NUBP1: variants seen among roughly 807,000 people sequenced by gnomAD.
NUBP1 encodes the protein NUBP iron-sulfur cluster assembly factor 1, cytosolic, also known as cytosolic Fe-S cluster assembly factor NUBP1.
NUBP1 carries 46 observed loss-of-function variants against 41.8 expected under a neutral mutation model. The observed-to-expected ratio is 1.10, with a 90% confidence interval of 0.87 to 1.41. The LOEUF is 1.41. Among genes scored for constraint, NUBP1 ranks in the 40% most tolerant of loss-of-function variants. The pLI, the probability that NUBP1 is intolerant of heterozygous loss-of-function variation, is 0.00. For synonymous variants in NUBP1, 189 were observed against 154.6 expected, an observed-to-expected ratio of 1.22 and a Z score of -1.65; for missense variants, 494 against 414.0, an observed-to-expected ratio of 1.19 and a Z score of -1.68.
At chr16:10,746,209 G>A (rs981312482) in intron 2 of NUBP1, among the ~76,000 whole-genome samples, 5 of 152,218 alleles carry the variant, frequency 3.3e-5, no homozygotes, top group African/African-American at 1.2e-4. Context: ...CCAGTCATGA[G>A]ACTTTTTAAT....
intron 9 of NUBP1, chr16:10,762,112 T>G: frequency 2.7e-6 from 1 of 365,924 alleles, no homozygotes; most frequent in African/African-American, 2.1e-5. Flanking sequence ...GGGTAGAGGT[T>G]GGTGAGGGTG....
chr16:10,747,175 G>A lies in NUBP1; in HGVS notation c.157G>A (p.Val53Ile), dbSNP rs1900101846. 2 of 1,614,178 alleles carry A rather than the reference G, an allele frequency of 1.2e-6. No homozygotes were observed. The highest frequency in any genetic ancestry group is 1.7e-6 in the Non-Finnish European group (2 of 1,180,032). The change falls in exon 3 of 11, where the codon GTA becomes ATA. Residue 53 changes from valine to isoleucine, a missense_variant. Physicochemically the swap from Val to Ile is conservative, Grantham distance 29 (BLOSUM62 3). Coordinates refer to ENST00000283027, the MANE Select transcript of NUBP1 (RefSeq NM_002484.4). ...IEEIKEKMKT[V>I]KHKILVLSGK... The stretch of plus-strand genomic sequence containing the variant: ...GGAAATCAAAGAGAAAATGAAGACT[G>A]TAAAACACAAAATCTTGGTATTGTC...
chr16:10,768,346 G>A lies in NUBP1; in HGVS notation c.904+314G>A, dbSNP rs2031209380. 2 of 188,880 alleles carry A rather than the reference G, an allele frequency of 1.1e-5. No individual in the cohort carries two copies. Among genetic ancestry groups the A allele is most frequent in the South Asian group, 2.2e-4 (2 of 9,186 alleles). 11.7% of individuals were successfully genotyped at this position (188,880 alleles called of 1,614,324 possible). On this transcript the variant is annotated intron_variant, in intron 10 of 10. Transcript: ENST00000283027. The surrounding 1 kb of genome is among the most constrained non-coding windows in gnomAD (Gnocchi z 4.3). ...GGCCAGGTGCAGTGGCTCACACCTG[G>A]AATCCCAGCACTTTGGGTGAAGGAG...
Position 10,744,128 on chromosome 16 carries a change from G to T in NUBP1, c.124+63G>T, listed in dbSNP as rs1237607485. On this transcript the variant is annotated intron_variant, in intron 2 of 10. Coordinates refer to ENST00000283027, the MANE Select transcript of NUBP1 (RefSeq NM_002484.4). ...CGCAGGCCCGGAAAAGGCGGGGCGT[G>T]GGAGGGAGGGGGCGGGATCTGCAGA... 2.3e-6 allele frequency: 3 copies of T among 1,312,478 alleles called. No homozygotes were observed. The African/African-American group carries it at 4.6e-5, about 20-fold the overall frequency. The allele number at this position is 1,312,478 out of a possible 1,614,324, so 81.3% of individuals were successfully genotyped here. A position where few individuals can be genotyped will look rare whatever the true frequency, so the allele number is the denominator to read the frequency against.
intron 5 of NUBP1, 48 bp downstream of exon 5, chr16:10,755,801 G>C (rs757588665): frequency 2.5e-6 from 4 of 1,581,976 alleles, no homozygotes; most frequent in Admixed American, 1.7e-5. Flanking sequence ...GTGTGGTTGT[G>C]TGTACATAAT....
intron 9 of NUBP1, 125 bp downstream of exon 9, chr16:10,761,984 G>A: frequency 1.4e-6 from 1 of 710,034 alleles, no homozygotes; most frequent in South Asian, 1.9e-5. Context: ...GGGCGCTGGA[G>A]CCAGACCCAC....
In NUBP1 at chr16:10,757,038, G is replaced by A. The variant is rs928455251; in HGVS notation, c.451+258G>A. On this transcript the variant is annotated intron_variant, in intron 6 of 10. Transcript: ENST00000283027. This position sits in a 1 kb window ranked among gnomAD's most constrained non-coding sequence, Gnocchi z 4.1. Reference sequence around the variant, plus strand: ...ACCCTGGTCGGGTGTGGTAGCTCACGCCTGTAATCCCAGCACTTTGGGAGG... The same window carrying A: ...ACCCTGGTCGGGTGTGGTAGCTCACACCTGTAATCCCAGCACTTTGGGAGG... 1.3e-5 allele frequency among the ~76,000 whole-genome samples: 2 copies of A among 152,108 alleles called. No homozygotes were observed. Among genetic ancestry groups the A allele is most frequent in the African/African-American group, 2.4e-5 (1 of 41,402 alleles).
intron 9 of NUBP1, chr16:10,762,090 C>T: frequency 2.2e-6 from 1 of 452,638 alleles, no homozygotes; most frequent in South Asian, 3.3e-5. Context: ...AGGGGTGAGG[C>T]CTGGAAGAAT....
rs527387681 is a variant in NUBP1 at position 10,754,565 on chromosome 16, G to A, written c.328-1156G>A. On this transcript the variant is annotated intron_variant, in intron 4 of 10. Transcript: ENST00000283027. ...GCTGGGTGTCTTTTAATAGAACTTC[G>A]AAGTCAGTCACAGAGGACCGCATGT... is the stretch of plus-strand genomic sequence containing the variant. 1.0e-3 allele frequency among the ~76,000 whole-genome samples: 152 copies of A among 152,102 alleles called. 1 individual carries two copies. Among genetic ancestry groups the A allele is most frequent in the African/African-American group, 3.5e-3 (147 of 41,480 alleles).
chr16:10,744,042 G>A lies in NUBP1; in HGVS notation c.101G>A (p.Gly34Glu), dbSNP rs778368355. The part of the protein sequence containing the change: ...GCPNQRLCAS[G>E]AGATPDTAIE... ...CCCAACCAGCGGCTGTGCGCTTCTGGAGCGGGGGCCACTCCGGACACGGGT... is the reference window on the plus strand; with the variant it reads ...CCCAACCAGCGGCTGTGCGCTTCTGAAGCGGGGGCCACTCCGGACACGGGT... Residue 34 changes from glycine to glutamate, a missense_variant, in exon 2 of 11, where the codon GGA (glycine) becomes GAA (glutamate). Transcript: ENST00000283027. The A allele has an allele frequency of 6.3e-7, 1 of 1,583,520 alleles. No individual in the cohort carries two copies. Among genetic ancestry groups the A allele is most frequent in the Non-Finnish European group, 8.5e-7 (1 of 1,170,118 alleles).
intron 3 of NUBP1, among the ~76,000 whole-genome samples, chr16:10,751,261 C>G (rs758068879): frequency 2.0e-5 from 3 of 152,170 alleles, no homozygotes; most frequent in Non-Finnish European, 2.9e-5. Context: ...CTGAGAGTAT[C>G]GAGGAAAGTC....
At chr16:10,758,350 G>A (rs763822479) in intron 7 of NUBP1, among the ~76,000 whole-genome samples, 2 of 152,106 alleles carry the variant, frequency 1.3e-5, no homozygotes, top group African/African-American at 4.8e-5. Flanking sequence ...GCTCGCGCCT[G>A]TAGTTCCAGC....
At chr16:10,744,821 G>C (rs1899989093) in intron 2 of NUBP1, among the ~76,000 whole-genome samples, 1 of 150,204 alleles carries the variant, frequency 6.7e-6, no homozygotes. Flanking sequence ...GCAGTGGTGT[G>C]ATCTCGGCTC....
chr16:10,743,873 G>A lies in NUBP1; in HGVS notation c.10G>A (p.Val4Met), dbSNP rs1183376612. The A allele has an allele frequency of 4.5e-6, 7 of 1,565,946 alleles. No homozygotes were observed. Among genetic ancestry groups the A allele is most frequent in the Middle Eastern group, 1.7e-4 (1 of 5,994 alleles). ...CGGCAAAGGCGACGGAATGGAGGAG[G>A]TGCCTCACGGTAAGCTCGCGGAGGG... MEE[V>M]PHDCPGADSA... The change falls in exon 1 of 11, where the codon GTG becomes ATG. Residue 4 changes from valine (V) to methionine (M), a missense_variant. Val to Met is a conservative substitution (Grantham distance 21). Transcript: ENST00000283027.
At chr16:10,755,596 C>A in intron 4 of NUBP1, 125 bp from the exon 5 acceptor site, 1 of 977,470 alleles carries the variant, frequency 1.0e-6, no homozygotes, top group Non-Finnish European at 1.6e-6. Flanking sequence ...TTTCGTGGTA[C>A]CATGTAAGAC....
rs1324637024 is a variant in NUBP1 at position 10,759,972 on chromosome 16, A to G, written c.607-1392A>G. Reference sequence around the variant, plus strand: ...GTGCTAAGGAGTCACTACACCTGACAGTGACAAGCCACAGCAGGACTTGGG... The same window carrying G: ...GTGCTAAGGAGTCACTACACCTGACGGTGACAAGCCACAGCAGGACTTGGG... On this transcript the variant is annotated intron_variant, in intron 7 of 10. Transcript: ENST00000283027. The surrounding 1 kb of genome is among the most constrained non-coding windows in gnomAD (Gnocchi z 4.7). Among the ~76,000 whole-genome samples the G allele has an allele frequency of 6.6e-6, 1 of 152,244 alleles. No homozygotes were observed. Among genetic ancestry groups the G allele is most frequent in the East Asian group, 1.9e-4 (1 of 5,198 alleles).
At chr16:10,756,369 C>A (rs1054180407) in intron 5 of NUBP1, among the ~76,000 whole-genome samples, 1 of 150,364 alleles carries the variant, frequency 6.7e-6, no homozygotes, top group Non-Finnish European at 1.5e-5. Flanking sequence ...CAGAGCCAGA[C>A]TTCATCTCAA....
chr16:10,754,324 C>A (rs1424294878), intron 4 of NUBP1, among the ~76,000 whole-genome samples: 1 of 152,034 alleles, frequency 6.6e-6, no homozygotes, highest in African/African-American at 2.4e-5. Flanking sequence ...CTCACCACAA[C>A]CTCCGCCTCC....
Position 10,761,426 on chromosome 16 carries a change from C to T in NUBP1, c.669C>T (p.Ile223=). ...TCTGCCGCAAGGTGAAGCTGCCCAT[C>T]ATCGGGGTGGTGGAGAACATGAGTG... ...INFCRKVKLP[I]IGVVENMSGF... is the part of the protein sequence containing the mutation. The change falls in exon 8 of 11, where the codon ATC becomes ATT. Residue 223 remains isoleucine (I), a synonymous_variant. Transcript: ENST00000283027. 1 of 1,614,148 alleles carries T rather than the reference C, an allele frequency of 6.2e-7. No individual in the cohort carries two copies. Among genetic ancestry groups the T allele is most frequent in the Non-Finnish European group, 8.5e-7 (1 of 1,180,004 alleles).
Sources: gnomAD v4.1 joint callset for allele counts (sites outside exome capture counted in the v4.1 genomes callset) on GRCh38, gnomAD v4.1.1 for gene constraint, Gnocchi (gnomAD v3.1) non-coding constraint, MANE v1.5 for transcripts, NCBI Gene and HGNC (gene_info 2026-07-23, HGNC 2026-07-21) for gene names.